CHAMP1: variants seen among roughly 807,000 people sequenced by gnomAD.
CHAMP1 encodes chromosome alignment-maintaining phosphoprotein 1.
A neutral mutation model predicts 54.5 loss-of-function variants in CHAMP1; 4 were observed. That is an observed-to-expected ratio of 0.07 (90% CI 0.04 to 0.17). The LOEUF (loss-of-function observed/expected upper bound fraction) is 0.17. Among genes scored for constraint, CHAMP1 ranks in the 10% least tolerant of loss-of-function variants. CHAMP1 has a pLI of 1.00. For missense variants in CHAMP1, 994 were observed against 968.6 expected (o/e 1.03, Z -0.35); for synonymous variants, 368 against 342.2 (o/e 1.08, Z -0.83).
intron 1 of CHAMP1, 56 bp downstream of exon 1, chr13:114,314,699 C>A (rs1474691671): frequency 6.6e-6 from 1 of 152,212 alleles, no homozygotes; most frequent in Non-Finnish European, 1.5e-5. Flanking sequence ...ATCCCCGAGC[C>A]CCGTGTCGGC....
intron 2 of CHAMP1, chr13:114,322,533 A>G (rs1442701028): frequency 6.6e-6 from 1 of 152,212 alleles, no homozygotes; most frequent in Non-Finnish European, 1.5e-5. Context: ...AGGATTAGGA[A>G]TTTATAGGAA....
rs927742550 is a variant in CHAMP1 at position 114,326,124 on chromosome 13, G to A, written c.2282G>A (p.Gly761Glu). The change falls in exon 3 of 3, where the codon GGG becomes GAG. Residue 761 changes from glycine to glutamate, a missense_variant. Transcript: ENST00000361283. Reference sequence around the variant, plus strand: ...CTTAAAAATCATGTAGCAGCCCATGGGCAAAGTTTACTTAAATGTCCACGT... The same window carrying A: ...CTTAAAAATCATGTAGCAGCCCATGAGCAAAGTTTACTTAAATGTCCACGT... ...SLLKNHVAAH[G>E]QSLLKCPRCN... 1 of 1,613,400 alleles carries A rather than the reference G, an allele frequency of 6.2e-7. No homozygotes were observed. Among genetic ancestry groups the A allele is most frequent in the African/African-American group, 1.3e-5 (1 of 74,998 alleles).
At chr13:114,323,172 A>G (rs2087194869) in intron 2 of CHAMP1, 1 of 152,224 alleles carries the variant, frequency 6.6e-6, no homozygotes, top group Non-Finnish European at 1.5e-5. Flanking sequence ...AGTGCCTAGA[A>G]CATTGTAGGA....
Position 114,327,131 on chromosome 13 carries a change from T to C in CHAMP1, c.*850T>C, listed in dbSNP as rs1566794055. On this transcript the variant is annotated 3_prime_UTR_variant, in exon 3 of 3. Transcript: ENST00000361283. ...CTGTTGGGGCTTAAGACCAGGTTGA[T>C]AAGTAGGAACTGAAAGTCTTCCAGA... The C allele has an allele frequency of 6.0e-6, 1 of 166,918 alleles. No homozygotes were observed. The highest frequency in any genetic ancestry group is 1.5e-5 in the Non-Finnish European group (1 of 68,084). The allele number at this position is 166,918 out of a possible 1,614,324, so 10.3% of individuals were successfully genotyped here. A position where few individuals can be genotyped will look rare whatever the true frequency, so the allele number is the denominator to read the frequency against.
chr13:114,317,167 AC>A (rs2087109041), intron 1 of CHAMP1, among the ~76,000 whole-genome samples: 1 of 151,938 alleles, frequency 6.6e-6, no homozygotes, highest in Non-Finnish European at 1.5e-5. Context: ...ATAGGTATGC[AC>A]CACCACGCCC....
intron 2 of CHAMP1, among the ~76,000 whole-genome samples, chr13:114,321,649 T>A (rs1354181215): frequency 6.6e-6 from 1 of 152,236 alleles, no homozygotes; most frequent in Admixed American, 6.5e-5. Flanking sequence ...AGACATATCC[T>A]ACGTTTTCCC....
At chr13:114,316,947 A>G (rs2087106737) in intron 1 of CHAMP1, among the ~76,000 whole-genome samples, 1 of 152,106 alleles carries the variant, frequency 6.6e-6, no homozygotes, top group Non-Finnish European at 1.5e-5. Flanking sequence ...ATAGGTGGGA[A>G]TTCTTGTACA....
intron 1 of CHAMP1, among the ~76,000 whole-genome samples, chr13:114,319,990 G>A (rs1231820221): frequency 6.6e-6 from 1 of 152,192 alleles, no homozygotes; most frequent in Admixed American, 6.5e-5. Flanking sequence ...TAGTTGACTT[G>A]GAGGACATGT....
At chr13:114,321,686 A>G (rs747555899) in intron 2 of CHAMP1, among the ~76,000 whole-genome samples, 7 of 152,208 alleles carry the variant, frequency 4.6e-5, no homozygotes, top group East Asian at 3.8e-4. Flanking sequence ...TTATTTAACA[A>G]TGGGCTCTGA....
rs146382660 is a variant in CHAMP1 at position 114,325,314 on chromosome 13, C to T, written c.1472C>T (p.Pro491Leu). ...KSSFFIEPQK[P>L]VFPETRKPGP... ...TCCTTTTTTATTGAGCCTCAGAAAC[C>T]TGTCTTCCCTGAGACCCGAAAACCA... is the stretch of plus-strand genomic sequence containing the variant. Residue 491 changes from proline (P) to leucine (L), a missense_variant, in exon 3 of 3, where the codon CCT becomes CTT. Physicochemically the swap from Pro to Leu is moderately conservative, Grantham distance 98. Around this residue, in one of 3 missense-constraint regions of CHAMP1, gnomAD observed 851 missense variants for 701.3 expected, o/e 1.21. Transcript: ENST00000361283. The T allele has an allele frequency of 3.2e-5, 52 of 1,614,160 alleles. No individual in the cohort carries two copies. Among genetic ancestry groups the T allele is most frequent in the Non-Finnish European group, 4.2e-5 (50 of 1,180,040 alleles).
At position 114,325,865 on chromosome 13, in the gene CHAMP1, A is replaced by T. The variant is rs2087244210; in HGVS notation, c.2023A>T (p.Ser675Cys). ...CAAAGAGAACAAAATGGACATGACTAGTCCAGAGCAGTCTAGAAATGTGCT... is the reference window on the plus strand; with the variant it reads ...CAAAGAGAACAAAATGGACATGACTTGTCCAGAGCAGTCTAGAAATGTGCT... ...FSKENKMDMT[S>C]PEQSRNVLQF... is the part of the protein sequence containing the mutation. The change falls in exon 3 of 3, where the codon AGT becomes TGT. Residue 675 changes from serine (S) to cysteine (C), a missense_variant. Ser to Cys is a moderately radical substitution (Grantham distance 112). Coordinates refer to ENST00000361283, the MANE Select transcript of CHAMP1 (RefSeq NM_032436.4). The T allele has an allele frequency of 6.2e-7, 1 of 1,614,010 alleles. No homozygotes were observed. Among genetic ancestry groups the T allele is most frequent in the South Asian group, 1.1e-5 (1 of 91,068 alleles).
At position 114,319,621 on chromosome 13, in the gene CHAMP1, T is replaced by C. The variant is rs370084995; in HGVS notation, c.-178-1489T>C. On this transcript the variant is annotated intron_variant, in intron 1 of 2. Coordinates refer to ENST00000361283, the MANE Select transcript of CHAMP1 (RefSeq NM_032436.4). Reference sequence around the variant, plus strand: ...CCAATAAAAAAGAGCGTTTACAGAATGTGAAACATTTATATGGAGGGCAGA... The same window carrying C: ...CCAATAAAAAAGAGCGTTTACAGAACGTGAAACATTTATATGGAGGGCAGA... Among the ~76,000 whole-genome samples the C allele has an allele frequency of 5.9e-5, 9 of 152,272 alleles. No individual in the cohort carries two copies. The East Asian group carries it at 1.3e-3, about 23-fold the overall frequency.
At position 114,326,095 on chromosome 13, in the gene CHAMP1, T is replaced by G. The variant is rs1192024513; in HGVS notation, c.2253T>G (p.Ser751=). The change falls in exon 3 of 3, where the codon TCT becomes TCG. Residue 751 remains serine, a synonymous_variant. Coordinates refer to ENST00000361283, the MANE Select transcript of CHAMP1 (RefSeq NM_032436.4). ...GTGGAAAGGCTTTTCTTTTGGAATC[T>G]CTCCTTAAAAATCATGTAGCAGCCC... ...TICGKAFLLE[S]LLKNHVAAHG... 5 of 1,611,864 alleles carry G rather than the reference T, an allele frequency of 3.1e-6. No individual in the cohort carries two copies. In the African/African-American group the frequency reaches 6.7e-5, roughly 22 times the overall value.
chr13:114,317,821 A>G (rs1383295441), intron 1 of CHAMP1, among the ~76,000 whole-genome samples: 3 of 152,230 alleles, frequency 2.0e-5, no homozygotes, highest in Non-Finnish European at 4.4e-5. Context: ...TAGGTATGAT[A>G]CACCATCTGG....
chr13:114,322,384 C>G (rs2087185781), intron 2 of CHAMP1: 1 of 152,016 alleles, frequency 6.6e-6, no homozygotes, highest in African/African-American at 2.4e-5. Flanking sequence ...AAGGGAGAGC[C>G]TGCATTTCTA....
chr13:114,318,931 G>C (rs573364630), intron 1 of CHAMP1, among the ~76,000 whole-genome samples: 2 of 119,650 alleles, frequency 1.7e-5, no homozygotes, highest in Non-Finnish European at 3.2e-5. Context: ...TGTCCTTCCT[G>C]CCCAGAGCTG....
Position 114,326,386 on chromosome 13 carries a change from T to A in CHAMP1, c.*105T>A, listed in dbSNP as rs1230774474. ...TTGGATCAGTAGATGACATGTATGG[T>A]GTACCGTGTTTCACTGTCTCAGTTG... On this transcript the variant is annotated 3_prime_UTR_variant, in exon 3 of 3. Transcript: ENST00000361283. 7.7e-7 allele frequency: 1 copy of A among 1,296,784 alleles called. No individual in the cohort carries two copies. Among genetic ancestry groups the A allele is most frequent in the Non-Finnish European group, 1.0e-6 (1 of 965,772 alleles). The allele number at this position is 1,296,784 out of a possible 1,614,324, so 80.3% of individuals were successfully genotyped here.
In CHAMP1 at chr13:114,324,921, A is replaced by G. The variant is rs782131477; in HGVS notation, c.1079A>G (p.Lys360Arg). ...CCTTCTGTATCTCCTGGACCTTGGAAACCAACTCCATCTGTGTCTTCTGCA... is the reference window on the plus strand; with the variant it reads ...CCTTCTGTATCTCCTGGACCTTGGAGACCAACTCCATCTGTGTCTTCTGCA... ...PIPSVSPGPW[K>R]PTPSVSSASW... The change falls in exon 3 of 3, where the codon AAA becomes AGA. Residue 360 changes from lysine to arginine, a missense_variant. Transcript: ENST00000361283. The G allele has an allele frequency of 6.9e-5, 112 of 1,613,990 alleles. No homozygotes were observed. The highest frequency in any genetic ancestry group is 9.2e-5 in the Non-Finnish European group (108 of 1,180,012).
Position 114,324,653 on chromosome 13 carries a change from G to A in CHAMP1, c.811G>A (p.Ala271Thr). The A allele has an allele frequency of 2.5e-6, 4 of 1,614,062 alleles. No homozygotes were observed. Among genetic ancestry groups the A allele is most frequent in the Non-Finnish European group, 3.4e-6 (4 of 1,180,028 alleles). The part of the protein sequence containing the change: ...PAASPESRKS[A>T]RTTSPEPRKP... The stretch of plus-strand genomic sequence containing the variant: ...TGCATCTCCAGAATCTCGGAAGTCA[G>A]CCCGGACTACCTCCCCTGAGCCAAG... Residue 271 changes from alanine (A) to threonine (T), a missense_variant, in exon 3 of 3, where the codon GCC becomes ACC. Physicochemically the swap from Ala to Thr is moderately conservative, Grantham distance 58 (BLOSUM62 0). This residue lies in a region of CHAMP1 where 851 missense variants were observed against 701.3 expected (regional missense o/e 1.21). Transcript: ENST00000361283.
Sources: gnomAD v4.1 joint callset for allele counts (sites outside exome capture counted in the v4.1 genomes callset) on GRCh38, gnomAD v4.1.1 for gene constraint, gnomAD v4.1.1 regional missense constraint, MANE v1.5 for transcripts, NCBI Gene and HGNC (gene_info 2026-07-23, HGNC 2026-07-21) for gene names.